CACNB2: variants seen among roughly 807,000 people sequenced by gnomAD.
CACNB2 encodes voltage-dependent L-type calcium channel subunit beta-2.
A neutral mutation model predicts 73.3 loss-of-function variants in CACNB2; 42 were observed. The observed-to-expected ratio is 0.57, with a 90% CI of 0.45 to 0.74. The LOEUF (loss-of-function observed/expected upper bound fraction) is 0.74. Among genes scored for constraint, CACNB2 ranks in the 30% least tolerant of loss-of-function variants. The probability of loss-of-function intolerance (pLI) is 0.00; values close to 1 mark genes in which losing one functional copy is unlikely to be tolerated. For missense variants in CACNB2, 940 were observed against 853.0 expected (o/e 1.10, Z -1.27); for synonymous variants, 348 against 310.3 (o/e 1.12, Z -1.28).
intron 11 of CACNB2, among the ~76,000 whole-genome samples, chr10:18,534,565 C>T (rs933937543): frequency 5.3e-5 from 8 of 152,158 alleles, no homozygotes; most frequent in African/African-American, 1.2e-4. Flanking sequence ...AAACTGCTGG[C>T]GTCTAAACAT....
chr10:18,299,842 A>AG (rs2039437562), intron 2 of CACNB2, among the ~76,000 whole-genome samples: 1 of 152,216 alleles, frequency 6.6e-6, no homozygotes, highest in Admixed American at 6.5e-5. Context: ...AGATGTCACG[A>AG]GAAAGAGCAG....
chr10:18,338,687 TTCC>T (rs2041103739), intron 2 of CACNB2, among the ~76,000 whole-genome samples: 1 of 148,318 alleles, frequency 6.7e-6, no homozygotes, highest in African/African-American at 2.5e-5. Context: ...CCTTCCTTCC[TTCC>T]TTCCTTCCTT....
In CACNB2 at chr10:18,216,886, G is replaced by A. The variant is rs116049437; in HGVS notation, c.213+65911G>A. 9.1e-3 allele frequency among the ~76,000 whole-genome samples: 1,384 copies of A among 152,274 alleles called. 21 individuals are homozygous for A. The highest frequency in any genetic ancestry group is 0.032 in the African/African-American group (1,327 of 41,542). ...TCATAGGACCAATGACAACCTACAT[G>A]TGAGACCAGGTCAGAATGGAAGTGC... is the stretch of plus-strand genomic sequence containing the variant. On this transcript the variant is annotated intron_variant, in intron 2 of 13. Transcript: ENST00000324631.
chr10:18,455,525 A>G (rs1485602796), intron 3 of CACNB2, among the ~76,000 whole-genome samples: 1 of 152,238 alleles, frequency 6.6e-6, no homozygotes, highest in Non-Finnish European at 1.5e-5. Context: ...ACAGGTAAAT[A>G]CCAACTGGCT....
At chr10:18,340,949 C>G in intron 2 of CACNB2, 1 of 1,614,134 alleles carries the variant, frequency 6.2e-7, no homozygotes, top group Non-Finnish European at 8.5e-7. Context: ...CGCCTTATAG[C>G]TCCTCAAACT....
intron 2 of CACNB2, among the ~76,000 whole-genome samples, chr10:18,217,688 A>T (rs1432095766): frequency 6.6e-6 from 1 of 151,598 alleles, no homozygotes; most frequent in Non-Finnish European, 1.5e-5. Flanking sequence ...TCACATGCTT[A>T]TCTAGGAGAA....
chr10:18,282,856 A>G (rs2038613253), intron 2 of CACNB2, among the ~76,000 whole-genome samples: 1 of 152,222 alleles, frequency 6.6e-6, no homozygotes, highest in East Asian at 1.9e-4. Context: ...GCACAGCAAA[A>G]GAAACTACCA....
chr10:18,417,659 T>G (rs886322087), intron 3 of CACNB2, among the ~76,000 whole-genome samples: 1 of 152,128 alleles, frequency 6.6e-6, no homozygotes, highest in African/African-American at 2.4e-5. Context: ...GAATTTAATA[T>G]GTTGTTAGTT....
rs74118214 is a variant in CACNB2, at chr10:18,482,417, A to G, written c.334-15938A>G. On this transcript the variant is annotated intron_variant, in intron 3 of 13. Transcript: ENST00000324631. The stretch of plus-strand genomic sequence containing the variant: ...AAGGGCCAACCGCTGCTTCTGAAAC[A>G]TCAACTGACAGAAGAACCTACGGAA... Among the ~76,000 whole-genome samples, 277 of 152,314 alleles carry G rather than the reference A, an allele frequency of 1.8e-3. 1 individual carries two copies. Among genetic ancestry groups the G allele is most frequent in the African/African-American group, 6.5e-3 (271 of 41,562 alleles).
At chr10:18,329,895 T>C (rs1404891164) in intron 2 of CACNB2, among the ~76,000 whole-genome samples, 6 of 152,188 alleles carry the variant, frequency 3.9e-5, no homozygotes, top group Non-Finnish European at 7.3e-5. Context: ...TGGAGTGCAG[T>C]GGTGCGATCT....
intron 3 of CACNB2, among the ~76,000 whole-genome samples, chr10:18,476,626 G>A (rs1408757322): frequency 1.3e-5 from 2 of 152,156 alleles, no homozygotes; most frequent in Non-Finnish European, 2.9e-5. Context: ...ATCAGATGCT[G>A]AAGTGAAGTT....
At chr10:18,242,941 C>T (rs967878751) in intron 2 of CACNB2, among the ~76,000 whole-genome samples, 5 of 148,240 alleles carry the variant, frequency 3.4e-5, no homozygotes, top group Admixed American at 2.0e-4. Context: ...ACCCGGGAGG[C>T]GGAGCTTGCA....
chr10:18,160,781 A>G (rs1259012154), intron 2 of CACNB2, among the ~76,000 whole-genome samples: 1 of 152,116 alleles, frequency 6.6e-6, no homozygotes, highest in Non-Finnish European at 1.5e-5. Flanking sequence ...TATAGATGTA[A>G]ATATAGTCAG....
At chr10:18,402,867 T>A (rs1287959775) in intron 3 of CACNB2, among the ~76,000 whole-genome samples, 16 of 152,224 alleles carry the variant, frequency 1.1e-4, no homozygotes, top group African/African-American at 3.6e-4. Flanking sequence ...TGAAAAAGGC[T>A]AAGTGCCTTG....
At chr10:18,261,226 C>A in intron 2 of CACNB2, 1 of 1,550,382 alleles carries the variant, frequency 6.5e-7, no homozygotes, top group Non-Finnish European at 8.7e-7. Flanking sequence ...AGGCACAGTG[C>A]AGCTTGGTGA....
chr10:18,259,732 GAAAAAAAA>G (rs34296190), intron 2 of CACNB2, among the ~76,000 whole-genome samples: 7 of 41,002 alleles, frequency 1.7e-4, no homozygotes, highest in African/African-American at 9.7e-4. Context: ...CTCTGTCTCA[GAAAAAAAA>G]AAAAAAAAAA....
At chr10:18,299,106 GA>G (rs1236488123) in intron 2 of CACNB2, among the ~76,000 whole-genome samples, 35 of 125,542 alleles carry the variant, frequency 2.8e-4, no homozygotes, top group Admixed American at 1.7e-3. Context: ...AAAATAAAAA[GA>G]AAAAAATAAA....
intron 3 of CACNB2, among the ~76,000 whole-genome samples, chr10:18,494,334 A>G (rs1226451387): frequency 6.6e-6 from 1 of 152,192 alleles, no homozygotes; most frequent in African/African-American, 2.4e-5. Flanking sequence ...TCCAAGGAAT[A>G]AAAGAAACAT....
chr10:18,352,253 C>T (rs2041740804), intron 2 of CACNB2, among the ~76,000 whole-genome samples: 2 of 152,236 alleles, frequency 1.3e-5, no homozygotes, highest in African/African-American at 2.4e-5. Context: ...CCACGCATCA[C>T]GTCCCATGAC....
Sources: gnomAD v4.1 joint callset for allele counts (sites outside exome capture counted in the v4.1 genomes callset) on GRCh38, gnomAD v4.1.1 for gene constraint, MANE v1.5 for transcripts, NCBI Gene and HGNC (gene_info 2026-07-23, HGNC 2026-07-21) for gene names.